The following POLR1A variants were observed in gnomAD, a reference collection of about 807,000 sequenced individuals.
The protein encoded by POLR1A is DNA-directed RNA polymerase I subunit RPA1.
POLR1A carries 84 observed loss-of-function variants against 205.3 expected under a neutral mutation model. The ratio of observed to expected loss-of-function variants is 0.41; its 90% CI spans 0.34 to 0.49. The LOEUF is 0.49. Among genes scored for constraint, POLR1A ranks in the 20% least tolerant of loss-of-function variants. The pLI is 0.22. For synonymous variants in POLR1A, 799 were observed against 863.7 expected, an observed-to-expected ratio of 0.93 and a Z score of 1.31; for missense variants, 1,645 against 2,204.5, an observed-to-expected ratio of 0.75 and a Z score of 5.08.
chr2:86,033,672 C>T lies in POLR1A; in HGVS notation c.4150G>A (p.Gly1384Arg), dbSNP rs1672438608. ...QRDLDNAGEL[G>R]RSRGEQEGDE... ...GGGGACTCACTCACCCGACTCCTCC[C>T]CAACTCCCCAGCGTTGTCCAGATCC... The change falls in exon 28 of 34, where the codon GGG (glycine) becomes AGG (arginine). Residue 1384 changes from glycine (G) to arginine (R), a missense_variant. Gly to Arg is a moderately radical substitution (Grantham distance 125). This residue lies in a region of POLR1A where 394 missense variants were observed against 468.5 expected (regional missense o/e 0.84). Transcript: ENST00000263857. The T allele has an allele frequency of 6.2e-7, 1 of 1,613,380 alleles. No individual in the cohort carries two copies. Among genetic ancestry groups the T allele is most frequent in the African/African-American group, 1.3e-5 (1 of 74,928 alleles).
Position 86,020,651 on chromosome 2 carries a change from A to G in POLR1A, c.*6772T>C, listed in dbSNP as rs1690113802. ...AAATAAACAATGTTAACCCGCATCT[A>G]TGTGTATGTGGCAGGGTTTCCTCAA... On this transcript the variant is annotated 3_prime_UTR_variant, in exon 34 of 34. Coordinates refer to ENST00000263857, the MANE Select transcript of POLR1A (RefSeq NM_015425.6). The G allele has an allele frequency of 6.6e-6, 1 of 151,778 alleles. No individual in the cohort carries two copies. Among genetic ancestry groups the G allele is most frequent in the African/African-American group, 2.4e-5 (1 of 41,288 alleles). 9.4% of individuals were successfully genotyped at this position (151,778 alleles called of 1,614,324 possible). A position where few individuals can be genotyped will look rare whatever the true frequency, so the allele number is the denominator to read the frequency against.
chr2:86,041,916 T>A lies in POLR1A; in HGVS notation c.3545A>T (p.Tyr1182Phe). 6.2e-7 allele frequency: 1 copy of A among 1,614,142 alleles called. No individual in the cohort carries two copies. Among genetic ancestry groups the A allele is most frequent in the Non-Finnish European group, 8.5e-7 (1 of 1,179,936 alleles). The stretch of plus-strand genomic sequence containing the variant: ...GTCGAGAGAAAGCTCTGATTTCTCA[T>A]AACTCTTCTCTGTTTGAGCTGCCCA... The part of the protein sequence containing the change: ...QEWAAQTEKS[Y>F]EKSELSLDRL... The change falls in exon 24 of 34, where the codon TAT (tyrosine) becomes TTT (phenylalanine). Residue 1182 changes from tyrosine (Y) to phenylalanine (F), a missense_variant. By Grantham distance (22) the Tyr-to-Phe change is conservative (BLOSUM62 3). This residue lies in a region of POLR1A where 201 missense variants were observed against 222.3 expected (regional missense o/e 0.90). Coordinates refer to ENST00000263857, the MANE Select transcript of POLR1A (RefSeq NM_015425.6).
chr2:86,032,225 A>T, intron 29 of POLR1A, 47 bp downstream of exon 29: 1 of 1,267,386 alleles, frequency 7.9e-7, no homozygotes, highest in Non-Finnish European at 1.2e-6. Context: ...GTTAACAGGG[A>T]AGGGGGCTGG....
chr2:86,077,809 GCGCACACACACACACACACACACACACA>G lies in POLR1A; in HGVS notation c.1380+22_1380+49del, dbSNP rs1673320510. On this transcript the variant is annotated intron_variant, in intron 11 of 33. Transcript: ENST00000263857. ...GAGCAAATGAGCCCTGCACGCGCGC[GCGCACACACACACACACACACACACACA>G]CACACACACACACACACACACCATG... 1.9e-5 allele frequency: 25 copies of G among 1,302,326 alleles called. No homozygotes were observed. The East Asian group carries it at 3.3e-4, about 17-fold the overall frequency. The allele number at this position is 1,302,326 out of a possible 1,614,324, so 80.7% of individuals were successfully genotyped here.
intron 24 of POLR1A, among the ~76,000 whole-genome samples, chr2:86,041,395 T>C (rs953134148): frequency 6.6e-6 from 1 of 150,998 alleles, no homozygotes; most frequent in Admixed American, 6.6e-5. Flanking sequence ...AGTGTCTGTG[T>C]GTGTGTGTGT....
In POLR1A at chr2:86,073,227, A is replaced by G. The variant is rs545724961; in HGVS notation, c.1611+1803T>C. Among the ~76,000 whole-genome samples, 249 of 134,678 alleles carry G rather than the reference A, an allele frequency of 1.8e-3. 4 individuals are homozygous for G. In the South Asian group the frequency reaches 0.029, roughly 16 times the overall value. The allele number at this position is 134,678 out of a possible 152,430, so 88.4% of individuals were successfully genotyped here. Reference sequence around the variant, plus strand: ...AAAAAATAAAATAAAAAAAAAAAAAATGACAGGTTTTGGTGGGTAGCAGAC... The same window carrying G: ...AAAAAATAAAATAAAAAAAAAAAAAGTGACAGGTTTTGGTGGGTAGCAGAC... On this transcript the variant is annotated intron_variant, in intron 12 of 33. Coordinates refer to ENST00000263857, the MANE Select transcript of POLR1A (RefSeq NM_015425.6).
rs766268738 is a variant in POLR1A, at chr2:86,047,148, C to A, written c.2733+17G>T. 3.8e-6 allele frequency: 6 copies of A among 1,596,260 alleles called. No homozygotes were observed. The African/African-American group carries it at 6.7e-5, about 18-fold the overall frequency. ...TTGCTGACACCTGTAAAGCTGCCAA[C>A]CCGCCTCTGCACATACCTGCATCGT... On this transcript the variant is annotated intron_variant, in intron 19 of 33. Transcript: ENST00000263857.
Position 86,024,696 on chromosome 2 carries a change from C to G in POLR1A, c.*2727G>C, listed in dbSNP as rs1167616671. On this transcript the variant is annotated 3_prime_UTR_variant, in exon 34 of 34. Transcript: ENST00000263857. ...CTTGAGCCTAGGAGTTTGAAACCAG[C>G]CTGAGCAATAAACCAAAACCCGTCT... is the stretch of plus-strand genomic sequence containing the variant. 6.6e-6 allele frequency: 1 copy of G among 152,066 alleles called. No individual in the cohort carries two copies. Among genetic ancestry groups the G allele is most frequent in the East Asian group, 1.9e-4 (1 of 5,192 alleles). 9.4% of individuals were successfully genotyped at this position (152,066 alleles called of 1,614,324 possible).
At position 86,077,916 on chromosome 2, in the gene POLR1A, C is replaced by T. The variant is rs372447807; in HGVS notation, c.1323G>A (p.Ala441=). The change falls in exon 11 of 34, where the codon GCG becomes GCA. Residue 441 remains alanine, a synonymous_variant. Transcript: ENST00000263857. The part of the protein sequence containing the change: ...HMMGKRVDYA[A]RSVICPDMYI... The stretch of plus-strand genomic sequence containing the variant: ...ACATGTCTGGGCAGATGACTGAGCG[C>T]GCAGCGTAGTCCACTCGCTTTCCCA... 1,099 of 1,613,868 alleles carry T rather than the reference C, an allele frequency of 6.8e-4. No homozygotes were observed. Among genetic ancestry groups the T allele is most frequent in the Middle Eastern group, 8.3e-4 (5 of 5,992 alleles).
chr2:86,088,902 G>A, intron 4 of POLR1A, 32 bp from the exon 5 acceptor site: 8 of 1,487,754 alleles, frequency 5.4e-6, no homozygotes, highest in African/African-American at 1.4e-5. Context: ...GAGAACCTTG[G>A]AGTGCCATTT....
At position 86,041,923 on chromosome 2, in the gene POLR1A, T is replaced by C. The variant is rs763510553; in HGVS notation, c.3538A>G (p.Lys1180Glu). 4.3e-6 allele frequency: 7 copies of C among 1,614,062 alleles called. No individual in the cohort carries two copies. In the South Asian group the frequency reaches 7.7e-5, roughly 18 times the overall value. Residue 1180 changes from lysine to glutamate, a missense_variant, in exon 24 of 34, where the codon AAG (lysine) becomes GAG (glutamate). Around this residue, in one of 16 missense-constraint regions of POLR1A, gnomAD observed 201 missense variants for 222.3 expected, o/e 0.90. Transcript: ENST00000263857. Reference sequence around the variant, plus strand: ...GAAAGCTCTGATTTCTCATAACTCTTCTCTGTTTGAGCTGCCCACTCTTGA... The same window carrying C: ...GAAAGCTCTGATTTCTCATAACTCTCCTCTGTTTGAGCTGCCCACTCTTGA... ...YSQEWAAQTE[K>E]SYEKSELSLD... is the part of the protein sequence containing the mutation.
chr2:86,097,214 CAAAAAAAAAA>C (rs757210116), intron 3 of POLR1A, among the ~76,000 whole-genome samples: 29 of 39,694 alleles, frequency 7.3e-4, no homozygotes, highest in Middle Eastern at 0.056. Flanking sequence ...CCCCAAAAGA[CAAAAAAAAAA>C]AAAAAAAAAA....
At chr2:86,080,050 C>G (rs1247682190) in intron 9 of POLR1A, among the ~76,000 whole-genome samples, 6 of 152,172 alleles carry the variant, frequency 3.9e-5, no homozygotes, top group African/African-American at 1.4e-4. Context: ...GTGTAACCTG[C>G]ACCATAAGTG....
intron 14 of POLR1A, among the ~76,000 whole-genome samples, chr2:86,060,925 T>C (rs927054237): frequency 6.6e-6 from 1 of 152,212 alleles, no homozygotes; most frequent in Admixed American, 6.5e-5. Context: ...AATGGACTTA[T>C]ACCAAATTAT....
At chr2:86,038,084 C>G (rs140964405) in intron 27 of POLR1A, among the ~76,000 whole-genome samples, 1 of 152,362 alleles carries the variant, frequency 6.6e-6, no homozygotes, top group African/African-American at 2.4e-5. Context: ...CATCCTCCTG[C>G]TCCCCGGAAC....
At chr2:86,031,762 A>C in intron 29 of POLR1A, 127 bp from the exon 30 acceptor site, 3 of 1,245,414 alleles carry the variant, frequency 2.4e-6, no homozygotes, top group Non-Finnish European at 3.3e-6. Flanking sequence ...CCTGCTCCAC[A>C]CTCCCGGCTC....
rs1156695687 is a variant in POLR1A, at chr2:86,080,988, G to T, written c.924-10C>A. ...ACTGACTGGGCGATACCTGCAGGGG[G>T]ACATACGGAATAAATGAATGTTTAG... On this transcript the variant is annotated splice_polypyrimidine_tract_variant and intron_variant, in intron 8 of 33. Transcript: ENST00000263857. The T allele has an allele frequency of 1.2e-6, 2 of 1,604,614 alleles. No homozygotes were observed. Among genetic ancestry groups the T allele is most frequent in the Non-Finnish European group, 1.7e-6 (2 of 1,174,930 alleles).
At chr2:86,092,832 A>T (rs747994554) in intron 3 of POLR1A, among the ~76,000 whole-genome samples, 3 of 152,002 alleles carry the variant, frequency 2.0e-5, no homozygotes, top group Non-Finnish European at 4.4e-5. Context: ...CTCAAAAAAA[A>T]AGAAAGAATT....
At chr2:86,048,849 G>T in intron 18 of POLR1A, 35 bp downstream of exon 18, 1 of 1,580,496 alleles carries the variant, frequency 6.3e-7, no homozygotes, top group African/African-American at 1.3e-5. Context: ...AGCATTCATA[G>T]TGGTGGGGAT....
Sources: gnomAD v4.1 joint callset for allele counts (sites outside exome capture counted in the v4.1 genomes callset) on GRCh38, gnomAD v4.1.1 for gene constraint, gnomAD v4.1.1 regional missense constraint, MANE v1.5 for transcripts, NCBI Gene and HGNC (gene_info 2026-07-23, HGNC 2026-07-21) for gene names.